The following DAB1 variants were observed in gnomAD, a reference collection of about 807,000 sequenced individuals.
DAB1 encodes the protein disabled homolog 1.
A neutral mutation model predicts 64.6 loss-of-function variants in DAB1; 15 were observed. That is an observed-to-expected ratio of 0.23 (90% CI 0.16 to 0.36). The LOEUF (loss-of-function observed/expected upper bound fraction) is 0.36, where lower values mean the gene tolerates loss of function less well. DAB1 is among the 10% of genes least tolerant of loss of function. The probability of loss-of-function intolerance (pLI) is 1.00; values close to 1 mark genes in which losing one functional copy is unlikely to be tolerated. For missense variants in DAB1, 596 were observed against 706.7 expected (o/e 0.84, Z 1.78); for synonymous variants, 235 against 251.9 (o/e 0.93, Z 0.64).
intron 5 of DAB1, among the ~76,000 whole-genome samples, chr1:58,083,228 A>C (rs1650106272): frequency 6.6e-6 from 1 of 152,138 alleles, no homozygotes; most frequent in Admixed American, 6.5e-5. Flanking sequence ...ATTATGGAAA[A>C]AGCAAGCTCA....
intron 6 of DAB1, among the ~76,000 whole-genome samples, chr1:57,784,854 C>T (rs1650265912): frequency 1.3e-5 from 2 of 152,182 alleles, no homozygotes; most frequent in African/African-American, 4.8e-5. Flanking sequence ...AAAGTGGCTA[C>T]ACTAAACCAC....
chr1:57,125,312 A>G (rs1657039103), intron 4 of DAB1, among the ~76,000 whole-genome samples: 1 of 152,100 alleles, frequency 6.6e-6, no homozygotes, highest in South Asian at 2.1e-4. Flanking sequence ...AAGAGGTGAG[A>G]CTCATATGCT....
rs182532082 is a variant in DAB1 at position 57,230,488 on chromosome 1, A to G, written c.67+60476T>C. 2.4e-4 allele frequency among the ~76,000 whole-genome samples: 36 copies of G among 152,292 alleles called. No homozygotes were observed. The East Asian group carries it at 3.7e-3, about 15-fold the overall frequency. ...AAACAAACATAATTTCTCATTTTCT[A>G]TTTTGGATTTGCTGTTAACAAACCC... On this transcript the variant is annotated intron_variant, in intron 2 of 14. Transcript: ENST00000371236.
At chr1:57,271,388 G>T (rs1468285720) in intron 2 of DAB1, among the ~76,000 whole-genome samples, 2 of 152,174 alleles carry the variant, frequency 1.3e-5, no homozygotes, top group East Asian at 3.8e-4. Context: ...ACTGGTTTTG[G>T]CAGGATGACT....
intron 5 of DAB1, among the ~76,000 whole-genome samples, chr1:57,991,599 G>C (rs749187353): frequency 2.0e-5 from 3 of 152,088 alleles, no homozygotes; most frequent in Non-Finnish European, 4.4e-5. Context: ...TGTAATCCTA[G>C]CACTTTGGTA....
intron 6 of DAB1, among the ~76,000 whole-genome samples, chr1:57,813,643 T>C (rs138983910): frequency 1.0e-3 from 153 of 152,358 alleles, no homozygotes; most frequent in African/African-American, 3.6e-3. Context: ...GAAGTGAATA[T>C]GCTGTGTAGG....
At chr1:58,161,195 C>T (rs533888072) in intron 4 of DAB1, among the ~76,000 whole-genome samples, 5 of 152,272 alleles carry the variant, frequency 3.3e-5, no homozygotes, top group South Asian at 2.1e-4. Context: ...TTACTGAATG[C>T]CAGGTATTTA....
intron 5 of DAB1, among the ~76,000 whole-genome samples, chr1:57,986,717 T>C (rs1201624210): frequency 6.6e-6 from 1 of 152,172 alleles, no homozygotes; most frequent in East Asian, 1.9e-4. Flanking sequence ...GGAAAGTGTC[T>C]TCCAAAGTCA....
chr1:57,091,814 C>T (rs1314754351), intron 4 of DAB1, among the ~76,000 whole-genome samples: 1 of 152,170 alleles, frequency 6.6e-6, no homozygotes, highest in Non-Finnish European at 1.5e-5. Context: ...TGAAACAGTT[C>T]CTGGCACCTA....
intron 5 of DAB1, among the ~76,000 whole-genome samples, chr1:58,067,829 A>G (rs1648949927): frequency 6.6e-6 from 1 of 152,238 alleles, no homozygotes; most frequent in South Asian, 2.1e-4. Context: ...TTCCATACAC[A>G]TGCAGCTGTT....
rs918409888 is a variant in DAB1, at chr1:58,159,683, C to T, written n.310-9095G>A. 1.2e-4 allele frequency among the ~76,000 whole-genome samples: 18 copies of T among 152,194 alleles called. No individual in the cohort carries two copies. In the South Asian group the frequency reaches 1.2e-3, roughly 11 times the overall value. ...TGAGAACTGGGTTGCACCCAAGGTA[C>T]GTGGCGGCTGATGCTTTCTGCAAGA... On this transcript the variant is annotated intron_variant and non_coding_transcript_variant, in intron 4 of 20. Transcript: ENST00000485760.
At chr1:58,249,792 G>T (rs1483265360) in intron 4 of DAB1, among the ~76,000 whole-genome samples, 5 of 152,130 alleles carry the variant, frequency 3.3e-5, no homozygotes, top group Non-Finnish European at 7.4e-5. Flanking sequence ...TGTCTCGGGG[G>T]ATTCCGCTTG....
At chr1:57,060,312 G>T (rs191765050) in intron 9 of DAB1, among the ~76,000 whole-genome samples, 276 of 151,840 alleles carry the variant, frequency 1.8e-3, no homozygotes, top group African/African-American at 6.5e-3. Flanking sequence ...CACCATGCCC[G>T]GCTAATGTTT....
At chr1:57,045,101 G>A (rs989475627) in intron 9 of DAB1, among the ~76,000 whole-genome samples, 10 of 152,326 alleles carry the variant, frequency 6.6e-5, no homozygotes, top group African/African-American at 1.9e-4. Flanking sequence ...GTTAGCTTTG[G>A]AGTATGTGCC....
At chr1:57,410,830 T>G (rs1266275993) in intron 1 of DAB1, among the ~76,000 whole-genome samples, 2 of 152,232 alleles carry the variant, frequency 1.3e-5, no homozygotes, top group Non-Finnish European at 2.9e-5. Context: ...AGACGTCCTT[T>G]TTCATATCAA....
At chr1:58,443,089 A>C (rs1645029743) in intron 3 of DAB1, among the ~76,000 whole-genome samples, 1 of 152,202 alleles carries the variant, frequency 6.6e-6, no homozygotes, top group Admixed American at 6.5e-5. Flanking sequence ...ACAGACTGAC[A>C]AGGCAGAATG....
chr1:57,511,647 T>C (rs1007620244), intron 7 of DAB1, among the ~76,000 whole-genome samples: 1 of 152,222 alleles, frequency 6.6e-6, no homozygotes, highest in Non-Finnish European at 1.5e-5. Context: ...GTAAGCTCCA[T>C]GAGGGCAAGA....
intron 4 of DAB1, among the ~76,000 whole-genome samples, chr1:58,300,424 G>C (rs1014154106): frequency 1.3e-5 from 2 of 151,412 alleles, no homozygotes; most frequent in African/African-American, 4.9e-5. Flanking sequence ...GCGGGTGCCT[G>C]TAATCCCAGC....
At chr1:58,133,052 T>A (rs1276643743) in intron 5 of DAB1, among the ~76,000 whole-genome samples, 2 of 152,206 alleles carry the variant, frequency 1.3e-5, no homozygotes, top group African/African-American at 2.4e-5. Context: ...ATCAGTTATT[T>A]CTTAAAAACT....
Sources: gnomAD v4.1 joint callset for allele counts (sites outside exome capture counted in the v4.1 genomes callset) on GRCh38, gnomAD v4.1.1 for gene constraint, MANE v1.5 for transcripts, NCBI Gene and HGNC (gene_info 2026-07-23, HGNC 2026-07-21) for gene names.